The following ROBO1 variants were observed in gnomAD, a reference collection of about 807,000 sequenced individuals.
The protein encoded by ROBO1 is roundabout homolog 1.
Under a neutral mutation model 195.9 loss-of-function variants are expected in ROBO1, and 149 were observed. That is an observed-to-expected ratio of 0.76 (90% CI 0.67 to 0.87). The LOEUF (loss-of-function observed/expected upper bound fraction) is 0.87, where lower values mean the gene tolerates loss of function less well. Among genes scored for constraint, ROBO1 ranks in the 40% least tolerant of loss-of-function variants. The pLI, the probability that ROBO1 is intolerant of heterozygous loss-of-function variation, is 0.00. For synonymous variants in ROBO1, 816 were observed against 733.2 expected, an observed-to-expected ratio of 1.11 and a Z score of -1.82; for missense variants, 1,933 against 2,068.3, an observed-to-expected ratio of 0.93 and a Z score of 1.27.
rs768428709 is a variant in ROBO1, at chr3:79,125,407, G to A, written c.172+49C>T. On this transcript the variant is annotated intron_variant, in intron 3 of 30. Coordinates refer to ENST00000464233, the MANE Select transcript of ROBO1 (RefSeq NM_002941.4). Reference sequence around the variant, plus strand: ...TACAGGTGGTTGATGGTTGATGGAGGTGGAGGCATTTCAGGAGGAAGTTAG... The same window carrying A: ...TACAGGTGGTTGATGGTTGATGGAGATGGAGGCATTTCAGGAGGAAGTTAG... 8 of 1,435,142 alleles carry A rather than the reference G, an allele frequency of 5.6e-6. No homozygotes were observed. The South Asian group carries it at 9.4e-5, about 17-fold the overall frequency. The allele number at this position is 1,435,142 out of a possible 1,614,324, so 88.9% of individuals were successfully genotyped here. A position where few individuals can be genotyped will look rare whatever the true frequency, so the allele number is the denominator to read the frequency against.
chr3:79,215,639 C>G (rs1357952102), intron 2 of ROBO1, among the ~76,000 whole-genome samples: 1 of 152,196 alleles, frequency 6.6e-6, no homozygotes, highest in Non-Finnish European at 1.5e-5. Flanking sequence ...ATAAGACATA[C>G]AGTCTCAGTT....
At chr3:78,610,023 G>C (rs1456071840) in intron 28 of ROBO1, among the ~76,000 whole-genome samples, 1 of 152,156 alleles carries the variant, frequency 6.6e-6, no homozygotes, top group African/African-American at 2.4e-5. Flanking sequence ...ACTTAGGAAT[G>C]ATTATAAGAA....
intron 4 of ROBO1, among the ~76,000 whole-genome samples, chr3:78,887,567 T>C (rs982982793): frequency 6.6e-6 from 1 of 152,104 alleles, no homozygotes; most frequent in East Asian, 1.9e-4. Context: ...GACAGAGTTA[T>C]AGAGATATTT....
At chr3:79,764,920 C>T (rs1476995814) in intron 1 of ROBO1, among the ~76,000 whole-genome samples, 1 of 152,054 alleles carries the variant, frequency 6.6e-6, no homozygotes, top group Non-Finnish European at 1.5e-5. Flanking sequence ...TTTGGGACTC[C>T]CTAGGCAGCT....
intron 10 of ROBO1, among the ~76,000 whole-genome samples, chr3:78,677,422 G>A (rs915773624): frequency 3.3e-5 from 5 of 152,056 alleles, no homozygotes; most frequent in African/African-American, 4.8e-5. Flanking sequence ...CTGTATTCAG[G>A]AAACCCATCT....
chr3:79,390,097 T>TA (rs199809143), intron 2 of ROBO1, among the ~76,000 whole-genome samples: 1 of 152,144 alleles, frequency 6.6e-6, no homozygotes, highest in Middle Eastern at 3.4e-3. Context: ...GAAATATCAA[T>TA]AAAAAATTCT....
chr3:79,272,418 T>A lies in ROBO1; in HGVS notation c.89-146879A>T, dbSNP rs140723328. 3.9e-5 allele frequency among the ~76,000 whole-genome samples: 6 copies of A among 152,038 alleles called. No homozygotes were observed. The East Asian group carries it at 1.2e-3, about 29-fold the overall frequency. ...GCAGAAACATCACATTGAACAACTA[T>A]CCACACAGAAAAAAACACTTTCCTT... On this transcript the variant is annotated intron_variant, in intron 2 of 30. Coordinates refer to ENST00000464233, the MANE Select transcript of ROBO1 (RefSeq NM_002941.4).
rs369374935 is a variant in ROBO1, at chr3:78,629,141, C to T, written c.3627-1572G>A. Among the ~76,000 whole-genome samples, 8 of 152,268 alleles carry T rather than the reference C, an allele frequency of 5.3e-5. No individual in the cohort carries two copies. The South Asian group carries it at 1.5e-3, about 28-fold the overall frequency. On this transcript the variant is annotated intron_variant, in intron 25 of 30. Coordinates refer to ENST00000464233, the MANE Select transcript of ROBO1 (RefSeq NM_002941.4). The stretch of plus-strand genomic sequence containing the variant: ...TTCATGTTAGTTTTCCAGGAGACCA[C>T]ATCTGTGTGGTCCCATGTCCATAAA...
intron 4 of ROBO1, among the ~76,000 whole-genome samples, chr3:78,825,919 C>T (rs1293088246): frequency 6.6e-6 from 1 of 152,114 alleles, no homozygotes; most frequent in Non-Finnish European, 1.5e-5. Flanking sequence ...TTGAAGTATT[C>T]ACAAAGATTA....
At chr3:79,102,211 T>A (rs564806101) in intron 3 of ROBO1, among the ~76,000 whole-genome samples, 1 of 151,960 alleles carries the variant, frequency 6.6e-6, no homozygotes, top group East Asian at 1.9e-4. Context: ...CATTTTCAGA[T>A]TCAAAGGATG....
chr3:79,492,675 T>C (rs910075641), intron 2 of ROBO1, among the ~76,000 whole-genome samples: 1 of 152,076 alleles, frequency 6.6e-6, no homozygotes, highest in African/African-American at 2.4e-5. Flanking sequence ...AGCTAGATCC[T>C]ATAAACACAA....
At chr3:78,830,638 T>C (rs548330533) in intron 4 of ROBO1, among the ~76,000 whole-genome samples, 4 of 152,250 alleles carry the variant, frequency 2.6e-5, no homozygotes, top group South Asian at 4.2e-4. Context: ...GAGAGCAGGA[T>C]TGGGGAAACC....
At chr3:78,778,464 T>C (rs1389985653) in intron 4 of ROBO1, among the ~76,000 whole-genome samples, 2 of 152,154 alleles carry the variant, frequency 1.3e-5, no homozygotes, top group Non-Finnish European at 2.9e-5. Context: ...CAAGCATTCC[T>C]ATACACCAGT....
chr3:79,277,795 A>AAG (rs2031170402), intron 2 of ROBO1, among the ~76,000 whole-genome samples: 2 of 151,686 alleles, frequency 1.3e-5, no homozygotes, highest in Admixed American at 6.6e-5. Flanking sequence ...AAAAATAAAA[A>AAG]AAAACACACA....
chr3:79,764,332 G>T (rs187333988), intron 1 of ROBO1, among the ~76,000 whole-genome samples: 9 of 152,312 alleles, frequency 5.9e-5, no homozygotes, highest in Middle Eastern at 3.4e-3. Context: ...TCAACAGCAA[G>T]TTTAGAGAGA....
At chr3:79,332,605 T>G (rs1456190338) in intron 2 of ROBO1, among the ~76,000 whole-genome samples, 1 of 152,120 alleles carries the variant, frequency 6.6e-6, no homozygotes, top group Non-Finnish European at 1.5e-5. Flanking sequence ...AGGCACTCAG[T>G]CAACAGTTGT....
At chr3:78,864,771 T>A (rs1019917153) in intron 4 of ROBO1, among the ~76,000 whole-genome samples, 1 of 151,554 alleles carries the variant, frequency 6.6e-6, no homozygotes, top group Non-Finnish European at 1.5e-5. Context: ...TTTTTTTAAG[T>A]CACCTCTCTA....
chr3:79,625,475 A>G (rs1307671017), intron 1 of ROBO1, among the ~76,000 whole-genome samples: 19 of 148,208 alleles, frequency 1.3e-4, no homozygotes, highest in African/African-American at 4.2e-4. Context: ...GACTAGTAAA[A>G]AAGAAAAGAG....
At chr3:78,752,744 C>T (rs952252845) in intron 4 of ROBO1, among the ~76,000 whole-genome samples, 4 of 152,086 alleles carry the variant, frequency 2.6e-5, no homozygotes, top group African/African-American at 9.7e-5. Flanking sequence ...ACAACACCAT[C>T]TTCTAAAGCT....
Sources: gnomAD v4.1 joint callset for allele counts (sites outside exome capture counted in the v4.1 genomes callset) on GRCh38, gnomAD v4.1.1 for gene constraint, MANE v1.5 for transcripts, NCBI Gene and HGNC (gene_info 2026-07-23, HGNC 2026-07-21) for gene names.